The following AGBL3 variants were observed in gnomAD, a reference collection of about 807,000 sequenced individuals.
AGBL3 encodes the protein AGBL carboxypeptidase 3, also known as cytosolic carboxypeptidase 3.
AGBL3 carries 68 observed loss-of-function variants against 94.5 expected under a neutral mutation model. The observed-to-expected ratio is 0.72, with a 90% confidence interval of 0.59 to 0.88. The LOEUF (loss-of-function observed/expected upper bound fraction) is 0.88, where lower values mean the gene tolerates loss of function less well. Ranked by LOEUF, AGBL3 falls within the 40% of genes least tolerant of loss-of-function variation. The pLI is 0.00. For synonymous variants in AGBL3, 354 were observed against 370.7 expected (o/e 0.95, Z 0.52); for missense variants, 934 against 1,103.8 (o/e 0.85, Z 2.18).
At chr7:135,021,640 A>G (rs1370063347) in intron 5 of AGBL3, among the ~76,000 whole-genome samples, 1 of 144,990 alleles carries the variant, frequency 6.9e-6, no homozygotes, top group East Asian at 2.1e-4. Flanking sequence ...TTTGGAAGAT[A>G]CACAGCATAT....
intron 11 of AGBL3, among the ~76,000 whole-genome samples, chr7:135,050,641 G>T (rs373859660): frequency 6.6e-6 from 1 of 151,880 alleles, no homozygotes; most frequent in Non-Finnish European, 1.5e-5. Flanking sequence ...CTAGTGGATT[G>T]ACCCTTTTAT....
intron 15 of AGBL3, chr7:135,092,636 T>C (rs1467496770): frequency 6.6e-6 from 1 of 152,116 alleles, no homozygotes; most frequent in African/African-American, 2.4e-5. Context: ...TATTGTGTTA[T>C]GGGGTTACAT....
chr7:134,993,156 T>G (rs548398868), intron 3 of AGBL3, among the ~76,000 whole-genome samples: 1 of 152,244 alleles, frequency 6.6e-6, no homozygotes, highest in Non-Finnish European at 1.5e-5. Flanking sequence ...AGTTCATCAC[T>G]GTATTTAACT....
At chr7:135,076,625 T>G (rs1820477171) in intron 13 of AGBL3, among the ~76,000 whole-genome samples, 157 bp downstream of exon 13, 1 of 152,192 alleles carries the variant, frequency 6.6e-6, no homozygotes, top group Non-Finnish European at 1.5e-5. Context: ...CAAAAGATCT[T>G]TGACAGATGA....
At position 135,032,990 on chromosome 7, in the gene AGBL3, C is replaced by T. The variant is rs1306061023; in HGVS notation, c.557+8C>T. ...ACAGAAGGTAGTCAAAGTGTAGGTT[C>T]TAATTATTTTTATTTAAGGAGCTAG... On this transcript the variant is annotated splice_region_variant and intron_variant, in intron 6 of 16. Transcript: ENST00000436302. 2 of 1,538,678 alleles carry T rather than the reference C, an allele frequency of 1.3e-6. No individual in the cohort carries two copies. The highest frequency in any genetic ancestry group is 2.5e-5 in the East Asian group (1 of 40,508).
rs760068106 is a variant in AGBL3 at position 135,135,000 on chromosome 7, A to C, written c.2502A>C (p.Lys834Asn). 6.4e-6 allele frequency: 10 copies of C among 1,551,076 alleles called. No individual in the cohort carries two copies. In the African/African-American group the frequency reaches 8.2e-5, roughly 13 times the overall value. The change falls in exon 17 of 17, where the codon AAA becomes AAC. Residue 834 changes from lysine to asparagine, a missense_variant. Coordinates refer to ENST00000436302, the MANE Select transcript of AGBL3 (RefSeq NM_178563.4). ...CATTGGAAAGTTTATCACCTCTCAA[A>C]GGCCCCAAGAAGAATAAACATTCTC... ...HRSLESLSPLKGPKKNKHSQI... is the reference protein window; with the variant it reads ...HRSLESLSPLNGPKKNKHSQI...
intron 4 of AGBL3, among the ~76,000 whole-genome samples, chr7:135,002,835 G>A (rs1811894951): frequency 6.6e-6 from 1 of 152,170 alleles, no homozygotes; most frequent in African/African-American, 2.4e-5. Flanking sequence ...CTTTATGGAT[G>A]AGATTGGAAC....
At chr7:135,128,315 A>G in intron 16 of AGBL3, 1 of 241,260 alleles carries the variant, frequency 4.1e-6, no homozygotes, top group Non-Finnish European at 7.9e-6. Context: ...AAAAAAAAAA[A>G]AAAACGAAAA....
intron 8 of AGBL3, 99 bp from the exon 9 acceptor site, chr7:135,043,926 A>T: frequency 7.1e-7 from 1 of 1,413,392 alleles, no homozygotes. Context: ...AGTGAGAATT[A>T]TAGACTTTGC....
chr7:135,127,137 T>C (rs1030391569), intron 16 of AGBL3, among the ~76,000 whole-genome samples: 2 of 151,814 alleles, frequency 1.3e-5, no homozygotes, highest in South Asian at 2.1e-4. Flanking sequence ...AGGTCTAATA[T>C]CCAGAATTTA....
chr7:135,069,446 C>A (rs1380285484), intron 12 of AGBL3, among the ~76,000 whole-genome samples: 1 of 152,154 alleles, frequency 6.6e-6, no homozygotes, highest in East Asian at 1.9e-4. Context: ...CACACCACAC[C>A]TATTCCAAAA....
intron 16 of AGBL3, among the ~76,000 whole-genome samples, chr7:135,131,314 G>C (rs184557552): frequency 6.6e-6 from 1 of 152,016 alleles, no homozygotes; most frequent in Non-Finnish European, 1.5e-5. Flanking sequence ...GGCCTGTTGC[G>C]GGGTGAGGGG....
At chr7:135,029,666 G>C (rs1373959328) in intron 5 of AGBL3, among the ~76,000 whole-genome samples, 23 of 152,134 alleles carry the variant, frequency 1.5e-4, no homozygotes. Flanking sequence ...TCTCCTTCAA[G>C]AATTTTTTTC....
intron 4 of AGBL3, chr7:135,012,478 A>C (rs1451116055): frequency 1.3e-5 from 2 of 152,110 alleles, no homozygotes; most frequent in East Asian, 3.8e-4. Flanking sequence ...TGCACTTTTC[A>C]TAAGTATAAT....
At chr7:135,004,385 A>T (rs1812116842) in intron 4 of AGBL3, among the ~76,000 whole-genome samples, 4 of 151,704 alleles carry the variant, frequency 2.6e-5, no homozygotes, top group Admixed American at 6.6e-5. Context: ...ATAGATTTTT[A>T]AAAATTTTCT....
At chr7:135,035,779 C>T (rs1816242136) in intron 7 of AGBL3, among the ~76,000 whole-genome samples, 1 of 152,084 alleles carries the variant, frequency 6.6e-6, no homozygotes, top group Admixed American at 6.5e-5. Flanking sequence ...TTCCTTTTGA[C>T]TTGCTTATAA....
intron 12 of AGBL3, among the ~76,000 whole-genome samples, chr7:135,066,719 T>G (rs555475105): frequency 6.6e-6 from 1 of 152,286 alleles, no homozygotes; most frequent in Non-Finnish European, 1.5e-5. Context: ...CAAGTGTCTA[T>G]CAATGGATGA....
At chr7:135,122,893 C>T (rs1184600980) in intron 16 of AGBL3, among the ~76,000 whole-genome samples, 1 of 152,178 alleles carries the variant, frequency 6.6e-6, no homozygotes, top group East Asian at 1.9e-4. Flanking sequence ...ATCCAAGGAT[C>T]AGCGCCTCAA....
intron 1 of AGBL3, among the ~76,000 whole-genome samples, chr7:134,987,418 G>GAC (rs1756451169): frequency 6.6e-6 from 1 of 152,164 alleles, no homozygotes; most frequent in African/African-American, 2.4e-5. Flanking sequence ...TATTAGAACA[G>GAC]ACAGTATCTA....
Sources: gnomAD v4.1 joint callset for allele counts (sites outside exome capture counted in the v4.1 genomes callset) on GRCh38, gnomAD v4.1.1 for gene constraint, MANE v1.5 for transcripts, NCBI Gene and HGNC (gene_info 2026-07-23, HGNC 2026-07-21) for gene names.